The following TIAM2 variants were observed in gnomAD, a reference collection of about 807,000 sequenced individuals.
TIAM2 encodes the protein TIAM Rac1 associated GEF 2, also known as rho guanine nucleotide exchange factor TIAM2.
TIAM2 carries 80 observed loss-of-function variants against 152.9 expected under a neutral mutation model. The observed-to-expected ratio is 0.52, with a 90% confidence interval of 0.44 to 0.63. The LOEUF (loss-of-function observed/expected upper bound fraction) is 0.63, where lower values mean the gene tolerates loss of function less well. TIAM2 is among the 30% of genes least tolerant of loss of function. The probability of loss-of-function intolerance (pLI) is 0.00; values close to 1 mark genes in which losing one functional copy is unlikely to be tolerated. For missense variants in TIAM2, 1,965 were observed against 2,120.1 expected, an observed-to-expected ratio of 0.93 and a Z score of 1.44; for synonymous variants, 804 against 838.0, an observed-to-expected ratio of 0.96 and a Z score of 0.70.
intron 3 of TIAM2, among the ~76,000 whole-genome samples, chr6:155,128,386 T>C: frequency 6.6e-6 from 1 of 152,164 alleles, no homozygotes; most frequent in East Asian, 1.9e-4. Flanking sequence ...CAGAGCCTGG[T>C]ACCTGGTGTC....
At chr6:155,092,840 A>C (rs1240647297) in intron 2 of TIAM2, among the ~76,000 whole-genome samples, 2 of 138,652 alleles carry the variant, frequency 1.4e-5, no homozygotes, top group Non-Finnish European at 3.3e-5. Context: ...GGGCAACAAG[A>C]ATGAAACTCT....
At chr6:155,076,238 G>A (rs1440743249) in intron 1 of TIAM2, among the ~76,000 whole-genome samples, 1 of 152,096 alleles carries the variant, frequency 6.6e-6, no homozygotes, top group African/African-American at 2.4e-5. Flanking sequence ...TGGAGCATTT[G>A]TTCAGGGACC....
intron 2 of TIAM2, among the ~76,000 whole-genome samples, chr6:155,113,383 C>T (rs1778907768): frequency 6.6e-6 from 1 of 152,132 alleles, no homozygotes; most frequent in Admixed American, 6.6e-5. Flanking sequence ...CCCCCATTTC[C>T]TTCTTTACTA....
chr6:155,082,600 AG>A (rs1238431090), intron 1 of TIAM2, among the ~76,000 whole-genome samples: 1 of 151,582 alleles, frequency 6.6e-6, no homozygotes, highest in Non-Finnish European at 1.5e-5. Flanking sequence ...CAGTGAGCCA[AG>A]ATTGTACCAT....
Position 155,137,465 on chromosome 6 carries a change from C to G in TIAM2, c.1483C>G (p.Gln495Glu). The G allele has an allele frequency of 6.2e-7, 1 of 1,614,216 alleles. No homozygotes were observed. Among genetic ancestry groups the G allele is most frequent in the South Asian group, 1.1e-5 (1 of 91,086 alleles). The change falls in exon 5 of 27, where the codon CAG (glutamine) becomes GAG (glutamate). Residue 495 changes from glutamine (Q) to glutamate (E), a missense_variant. Around this residue, in one of 3 missense-constraint regions of TIAM2, gnomAD observed 1,025 missense variants for 1,119.4 expected, o/e 0.92. Coordinates refer to ENST00000682666, the MANE Select transcript of TIAM2 (RefSeq NM_012454.4). ...SSSESLSSLE[Q>E]LDLLFEKEQG... ...CAGCGAGTCACTCAGCTCTCTGGAA[C>G]AGCTGGATCTGCTCTTTGAGAAGGA...
chr6:155,222,747 T>G (rs1782100711), intron 15 of TIAM2, among the ~76,000 whole-genome samples: 1 of 152,166 alleles, frequency 6.6e-6, no homozygotes, highest in South Asian at 2.1e-4. Flanking sequence ...TCTGACCAGC[T>G]GTCCTGCCCT....
At chr6:155,224,860 A>C (rs889860036) in intron 15 of TIAM2, among the ~76,000 whole-genome samples, 1 of 152,256 alleles carries the variant, frequency 6.6e-6, no homozygotes, top group South Asian at 2.1e-4. Context: ...TTCATCACCA[A>C]CTGCTCAGAA....
chr6:155,065,665 A>G (rs971314023), intron 1 of TIAM2, among the ~76,000 whole-genome samples: 7 of 152,066 alleles, frequency 4.6e-5, no homozygotes, highest in African/African-American at 1.7e-4. Context: ...TGCCAGCTCC[A>G]TGGGAGGCTG....
intron 1 of TIAM2, among the ~76,000 whole-genome samples, chr6:155,086,756 T>C (rs1169661523): frequency 1.3e-5 from 2 of 151,008 alleles, no homozygotes; most frequent in Non-Finnish European, 2.9e-5. Flanking sequence ...TGACCAGTAG[T>C]TAAGCTGCAG....
In TIAM2 at chr6:155,137,354, A is replaced by G. The variant is rs758846679; in HGVS notation, c.1372A>G (p.Ile458Val). ...AIGSDPLRQN[I>V]YENFMRELEM... The stretch of plus-strand genomic sequence containing the variant: ...TGGCAGCGATCCCCTCCGGCAGAAC[A>G]TTTATGAGAATTTCATGCGAGAGTT... The change falls in exon 5 of 27, where the codon ATT (isoleucine) becomes GTT (valine). Residue 458 changes from isoleucine (I) to valine (V), a missense_variant. This residue lies in a region of TIAM2 where 1,025 missense variants were observed against 1,119.4 expected (regional missense o/e 0.92). Coordinates refer to ENST00000682666, the MANE Select transcript of TIAM2 (RefSeq NM_012454.4). The G allele has an allele frequency of 2.5e-6, 4 of 1,614,112 alleles. No homozygotes were observed. The Admixed American group carries it at 5.0e-5, about 20-fold the overall frequency.
chr6:155,196,203 G>A (rs1442032332), intron 14 of TIAM2, among the ~76,000 whole-genome samples: 1 of 152,170 alleles, frequency 6.6e-6, no homozygotes, highest in Admixed American at 6.5e-5. Flanking sequence ...GAAGGAGAGG[G>A]ATCAGAGGTG....
At chr6:155,076,183 A>G (rs1777955754) in intron 1 of TIAM2, among the ~76,000 whole-genome samples, 1 of 152,100 alleles carries the variant, frequency 6.6e-6, no homozygotes, top group Admixed American at 6.6e-5. Flanking sequence ...GGCGTGAGGC[A>G]TGGGGGATGG....
At chr6:155,045,050 CTTTTTT>C (rs200620585) in intron 1 of TIAM2, among the ~76,000 whole-genome samples, 182 of 132,034 alleles carry the variant, frequency 1.4e-3, no homozygotes, top group African/African-American at 4.0e-3. Context: ...TTTTCTTTTT[CTTTTTT>C]TTTTTTTTTT....
rs1193222091 is a variant in TIAM2, at chr6:155,029,431, G to T, written c.-209+33939G>T. 4.0e-3 allele frequency among the ~76,000 whole-genome samples: 23 copies of T among 5,706 alleles called. 3 individuals are homozygous for T. The highest frequency in any genetic ancestry group is 9.3e-3 in the African/African-American group (18 of 1,928). The allele number at this position is 5,706 out of a possible 152,430, so 3.7% of individuals were successfully genotyped here. On this transcript the variant is annotated intron_variant, in intron 1 of 26. Transcript: ENST00000682666. ...TATAATATATACTATATATACTATA[G>T]TATATATTATACTATAGTATATATT...
At chr6:155,254,942 G>A (rs1783905419) in intron 26 of TIAM2, 1 of 172,144 alleles carries the variant, frequency 5.8e-6, no homozygotes, top group Non-Finnish European at 1.2e-5. Context: ...CTTACACAGA[G>A]GGTCTCCACC....
chr6:155,191,570 T>C (rs557157247), intron 14 of TIAM2, among the ~76,000 whole-genome samples: 1 of 152,272 alleles, frequency 6.6e-6, no homozygotes, highest in African/African-American at 2.4e-5. Flanking sequence ...GGCAGGCCAA[T>C]CATTTGAGCT....
At chr6:155,120,339 C>T (rs1779123220) in intron 2 of TIAM2, among the ~76,000 whole-genome samples, 2 of 152,226 alleles carry the variant, frequency 1.3e-5, no homozygotes, top group African/African-American at 4.8e-5. Flanking sequence ...CCCTTCACAG[C>T]AGCTTGCTTT....
intron 1 of TIAM2, among the ~76,000 whole-genome samples, chr6:155,083,548 G>A (rs147849976): frequency 9.2e-4 from 140 of 152,206 alleles, no homozygotes; most frequent in African/African-American, 2.7e-3. Context: ...CATAAACATG[G>A]TGCATGTTGT....
chr6:155,226,959 C>T (rs1030537019), intron 15 of TIAM2, among the ~76,000 whole-genome samples: 2 of 152,174 alleles, frequency 1.3e-5, no homozygotes, highest in African/African-American at 2.4e-5. Context: ...TGTCCCGTGG[C>T]GAAGGCCATC....
Sources: gnomAD v4.1 joint callset for allele counts (sites outside exome capture counted in the v4.1 genomes callset) on GRCh38, gnomAD v4.1.1 for gene constraint, gnomAD v4.1.1 regional missense constraint, MANE v1.5 for transcripts, NCBI Gene and HGNC (gene_info 2026-07-23, HGNC 2026-07-21) for gene names.